Variants in PAK4 observed in about 807,000 individuals in gnomAD.
The protein encoded by PAK4 is p21 (RAC1) activated kinase 4, also known as serine/threonine-protein kinase PAK 4.
Under a neutral mutation model 53.5 loss-of-function variants are expected in PAK4, and 49 were observed. The observed-to-expected ratio is 0.92, with a 90% CI of 0.73 to 1.16. The LOEUF (loss-of-function observed/expected upper bound fraction) is 1.16. Among genes scored for constraint, PAK4 ranks in the 50% most tolerant of loss-of-function variants. The pLI is 0.00. For synonymous variants in PAK4, 376 were observed against 375.6 expected, an observed-to-expected ratio of 1.00 and a Z score of -0.01; for missense variants, 824 against 850.7, an observed-to-expected ratio of 0.97 and a Z score of 0.39.
chr19:39,166,551 T>C (rs1177387965), intron 1 of PAK4, among the ~76,000 whole-genome samples: 1 of 152,202 alleles, frequency 6.6e-6, no homozygotes, highest in Non-Finnish European at 1.5e-5. Flanking sequence ...GGGCCACATA[T>C]TGAGGTCCCC....
chr19:39,143,260 A>T (rs1043302586), intron 1 of PAK4, among the ~76,000 whole-genome samples: 1 of 149,604 alleles, frequency 6.7e-6, no homozygotes. Flanking sequence ...GTGCATATTA[A>T]GGAGTCGTTG....
chr19:39,131,213 ACTGGCT>A (rs2073704109), intron 1 of PAK4, among the ~76,000 whole-genome samples: 1 of 152,106 alleles, frequency 6.6e-6, no homozygotes, highest in African/African-American at 2.4e-5. Flanking sequence ...GTGGTTTGGA[ACTGGCT>A]CGGACAAGAC....
chr19:39,169,100 G>A lies in PAK4; in HGVS notation c.-22-432G>A, dbSNP rs536714834. Reference sequence around the variant, plus strand: ...CTGTGATGTAGAGCGGGGGGACGGCGGGACACGGGGCTCTTTGCCTTGGGG... The same window carrying A: ...CTGTGATGTAGAGCGGGGGGACGGCAGGACACGGGGCTCTTTGCCTTGGGG... On this transcript the variant is annotated intron_variant, in intron 1 of 8. Transcript: ENST00000358301. 5.9e-5 allele frequency among the ~76,000 whole-genome samples: 9 copies of A among 152,254 alleles called. No individual in the cohort carries two copies. The East Asian group carries it at 1.7e-3, about 29-fold the overall frequency.
chr19:39,148,867 C>T (rs1430299781), intron 1 of PAK4, among the ~76,000 whole-genome samples: 6 of 151,788 alleles, frequency 4.0e-5, no homozygotes, highest in South Asian at 2.1e-4. Context: ...TTTTTTCCCC[C>T]GTTTGGCATG....
rs566566441 is a variant in PAK4, at chr19:39,161,481, G to A, written c.-22-8051G>A. Among the ~76,000 whole-genome samples, 8 of 150,466 alleles carry A rather than the reference G, an allele frequency of 5.3e-5. No individual in the cohort carries two copies. The highest frequency in any genetic ancestry group is 7.4e-5 in the Non-Finnish European group (5 of 67,378). On this transcript the variant is annotated intron_variant, in intron 1 of 8. Coordinates refer to ENST00000358301, the Ensembl canonical transcript of PAK4. The surrounding 1 kb of genome is among the most constrained non-coding windows in gnomAD (Gnocchi z 4.5). ...AGTGTGCCCAGAACCTGCTCATGCC[G>A]CCCCCTCTGCAGCCCCCACAAGGTC... is the stretch of plus-strand genomic sequence containing the variant.
chr19:39,151,177 A>G (rs780283293), intron 1 of PAK4, among the ~76,000 whole-genome samples: 21 of 152,176 alleles, frequency 1.4e-4, no homozygotes, highest in Non-Finnish European at 2.5e-4. Flanking sequence ...TAGATTTACA[A>G]AGGTCTCCCT....
At chr19:39,136,381 TCTC>T (rs2073815340) in intron 1 of PAK4, 1 of 152,222 alleles carries the variant, frequency 6.6e-6, no homozygotes, top group African/African-American at 2.4e-5. Context: ...GCTTCCCTCT[TCTC>T]CTGCCACCAT....
rs369679140 is a variant in PAK4 at position 39,176,586 on chromosome 19, C to T, written c.1360-4C>T. The stretch of plus-strand genomic sequence containing the variant: ...CTGACCCCACTGCCTCTGCCCTGTC[C>T]CAGGTGAAGCTGTCAGACTTTGGGT... On this transcript the variant is annotated splice_polypyrimidine_tract_variant and splice_region_variant and intron_variant, in intron 6 of 8. Coordinates refer to ENST00000358301, the Ensembl canonical transcript of PAK4. The T allele has an allele frequency of 6.2e-7, 1 of 1,613,760 alleles. No individual in the cohort carries two copies. Among genetic ancestry groups the T allele is most frequent in the South Asian group, 1.1e-5 (1 of 91,076 alleles).
downstream of PAK4, chr19:39,180,995 G>T (rs114561888): frequency 6.6e-6 from 1 of 152,238 alleles, no homozygotes; most frequent in South Asian, 2.1e-4. Context: ...CTCAGAGACG[G>T]GGAGCTCCCT....
At chr19:39,139,648 C>T (rs1228186905) in intron 1 of PAK4, among the ~76,000 whole-genome samples, 1 of 152,194 alleles carries the variant, frequency 6.6e-6, no homozygotes, top group East Asian at 1.9e-4. Flanking sequence ...CTGTCTCAGT[C>T]TCTCTTTACA....
At chr19:39,133,424 C>T (rs1219080344) in intron 1 of PAK4, among the ~76,000 whole-genome samples, 1 of 152,176 alleles carries the variant, frequency 6.6e-6, no homozygotes, top group African/African-American at 2.4e-5. Context: ...AACTCCAAGA[C>T]ACACGTGTTC....
intron 1 of PAK4, among the ~76,000 whole-genome samples, chr19:39,145,708 G>A (rs911065326): frequency 1.3e-5 from 2 of 152,280 alleles, no homozygotes; most frequent in East Asian, 1.9e-4. Context: ...TGTGCACCAC[G>A]GAGGGGCCTT....
chr19:39,142,465 G>T (rs1185534930), intron 1 of PAK4, among the ~76,000 whole-genome samples: 7 of 152,184 alleles, frequency 4.6e-5, no homozygotes, highest in Admixed American at 4.6e-4. Context: ...GGGTTGAGAA[G>T]AACACTCTGA....
At chr19:39,174,058 C>G in intron 4 of PAK4, 48 bp downstream of exon 5, 2 of 1,137,882 alleles carry the variant, frequency 1.8e-6, no homozygotes, top group East Asian at 5.3e-5. Context: ...CCACCCCTCC[C>G]TCCCACCCTC....
At chr19:39,142,550 T>TC (rs534842649) in intron 1 of PAK4, among the ~76,000 whole-genome samples, 122 of 152,130 alleles carry the variant, frequency 8.0e-4, no homozygotes, top group African/African-American at 2.7e-3. Flanking sequence ...GAGGCTCGGG[T>TC]CCCCCCTTCC....
chr19:39,157,485 C>T (rs1302290649), intron 1 of PAK4, among the ~76,000 whole-genome samples: 1 of 152,184 alleles, frequency 6.6e-6, no homozygotes, highest in Non-Finnish European at 1.5e-5. Context: ...GCTGGCTGAG[C>T]CGCGGCCTTC....
intron 4 of PAK4, among the ~76,000 whole-genome samples, chr19:39,174,309 A>T (rs1329018579): frequency 6.6e-6 from 1 of 151,466 alleles, no homozygotes; most frequent in African/African-American, 2.4e-5. Context: ...CCTGGGCTCC[A>T]GGGTACAGTG....
intron 1 of PAK4, among the ~76,000 whole-genome samples, chr19:39,159,833 G>T (rs749251314): frequency 2.6e-5 from 4 of 152,222 alleles, no homozygotes; most frequent in Non-Finnish European, 4.4e-5. Context: ...ACGAAGGAGA[G>T]CAGGGCTGCC....
intron 1 of PAK4, among the ~76,000 whole-genome samples, chr19:39,160,336 A>C (rs1296289478): frequency 6.7e-6 from 1 of 149,958 alleles, no homozygotes; most frequent in Non-Finnish European, 1.5e-5. Flanking sequence ...TGTTCCAGCC[A>C]CTGCTCTAGA....
Sources: allele counts gnomAD v4.1 joint callset (sites outside exome capture counted in the v4.1 genomes callset), GRCh38; gene constraint gnomAD v4.1.1; non-coding constraint Gnocchi (gnomAD v3.1); transcripts MANE v1.5; gene names NCBI Gene and HGNC (gene_info 2026-07-23, HGNC 2026-07-21).